The following MYO16 variants were observed in gnomAD, a reference collection of about 807,000 sequenced individuals.
The protein encoded by MYO16 is unconventional myosin-XVI.
MYO16 carries 94 observed loss-of-function variants against 205.3 expected under a neutral mutation model. The ratio of observed to expected loss-of-function variants is 0.46; its 90% CI spans 0.39 to 0.54. MYO16 has a LOEUF of 0.54. MYO16 is among the 20% of genes least tolerant of loss of function. The pLI, the probability that MYO16 is intolerant of heterozygous loss-of-function variation, is 0.00. For missense variants in MYO16, 2,315 were observed against 2,387.5 expected, an observed-to-expected ratio of 0.97 and a Z score of 0.63; for synonymous variants, 988 against 954.0, an observed-to-expected ratio of 1.04 and a Z score of -0.66.
chr13:108,667,330 T>A (rs548608274), intron 2 of MYO16, among the ~76,000 whole-genome samples: 2 of 151,202 alleles, frequency 1.3e-5, no homozygotes, highest in Non-Finnish European at 3.0e-5. Flanking sequence ...GTTTTTTTTT[T>A]TTTTTTGTCT....
intron 31 of MYO16, among the ~76,000 whole-genome samples, chr13:109,132,184 G>A (rs1443534547): frequency 1.3e-5 from 2 of 152,180 alleles, no homozygotes; most frequent in South Asian, 2.1e-4. Context: ...TTGGAGTGAC[G>A]GTTGCTCAAG....
intron 28 of MYO16, among the ~76,000 whole-genome samples, chr13:109,118,517 A>T (rs1875833953): frequency 6.6e-6 from 1 of 152,170 alleles, no homozygotes; most frequent in African/African-American, 2.4e-5. Context: ...TAATTCCCCT[A>T]ATGATCATTA....
rs191971963 is a variant in MYO16 at position 109,141,212 on chromosome 13, C to T, written c.5000C>T (p.Ala1667Val). 1.0e-5 allele frequency: 16 copies of T among 1,607,178 alleles called. No homozygotes were observed. In the Admixed American group the frequency reaches 2.7e-4, roughly 27 times the overall value. Reference sequence around the variant, plus strand: ...TATTCCCCCGTGAAGGCCACCAGGGCGGACGCCAGGAAGGCCGGCTCCAGT... The same window carrying T: ...TATTCCCCCGTGAAGGCCACCAGGGTGGACGCCAGGAAGGCCGGCTCCAGT... Reference protein sequence around the residue: ...IPYSPVKATRADARKAGSSAS... With the variant: ...IPYSPVKATRVDARKAGSSAS... Residue 1667 changes from alanine to valine, a missense_variant, in exon 32 of 35, where the codon GCG becomes GTG. By Grantham distance (64) the Ala-to-Val change is moderately conservative (BLOSUM62 0). Transcript: ENST00000457511. This position sits in a 1 kb window ranked among gnomAD's most constrained non-coding sequence, Gnocchi z 4.1.
At chr13:108,705,772 A>C (rs9520969) in intron 2 of MYO16, among the ~76,000 whole-genome samples, 115,249 of 151,926 alleles carry the variant, frequency 0.76, 43,950 homozygotes, top group East Asian at 0.98. Context: ...AGTTAGATAA[A>C]CCACATGAAA....
At chr13:108,922,929 A>C (rs78493779) in intron 16 of MYO16, among the ~76,000 whole-genome samples, 3,906 of 152,288 alleles carry the variant, frequency 0.026, 233 homozygotes, top group East Asian at 0.17. Flanking sequence ...TCCACAGCCC[A>C]GTCTAGAAGC....
chr13:108,567,896 A>C, the MYO16 span, among the ~76,000 whole-genome samples: 1 of 151,964 alleles, frequency 6.6e-6, no homozygotes, highest in East Asian at 1.9e-4. Context: ...CCATGAATAC[A>C]TTTTTCGGTC....
At chr13:108,655,006 T>C (rs1007165266) in intron 1 of MYO16, among the ~76,000 whole-genome samples, 7 of 152,132 alleles carry the variant, frequency 4.6e-5, no homozygotes, top group Non-Finnish European at 1.0e-4. Flanking sequence ...GTTCAGAAAA[T>C]GTGCAGCCTG....
intron 15 of MYO16, among the ~76,000 whole-genome samples, chr13:108,905,682 T>G (rs1373924792): frequency 6.6e-6 from 1 of 152,194 alleles, no homozygotes; most frequent in Non-Finnish European, 1.5e-5. Context: ...AATACAGTAT[T>G]TTATGGTCTC....
intron 32 of MYO16, among the ~76,000 whole-genome samples, chr13:109,154,748 A>C (rs914724435): frequency 6.6e-6 from 1 of 151,924 alleles, no homozygotes; most frequent in African/African-American, 2.4e-5. Context: ...TTGGCCACAC[A>C]TCGTGGCTCA....
chr13:109,196,289 C>T (rs1365343994), intron 34 of MYO16, among the ~76,000 whole-genome samples: 1 of 152,102 alleles, frequency 6.6e-6, no homozygotes, highest in Non-Finnish European at 1.5e-5. Context: ...TTTAAATCCC[C>T]GTACTGAGTT....
the MYO16 span, among the ~76,000 whole-genome samples, chr13:108,521,826 G>T: frequency 8.6e-4 from 131 of 152,270 alleles, no homozygotes; most frequent in Admixed American, 1.6e-3. Context: ...AGAGATTTCA[G>T]AAAAAGTTCC....
chr13:108,798,308 C>G (rs1191143770), intron 6 of MYO16, among the ~76,000 whole-genome samples: 1 of 152,160 alleles, frequency 6.6e-6, no homozygotes, highest in Non-Finnish European at 1.5e-5. Flanking sequence ...TAAATTTTCA[C>G]AGTGTTAAAT....
In MYO16 at chr13:109,141,255, C is replaced by A; in HGVS notation, c.5043C>A (p.Pro1681=). 1.2e-6 allele frequency: 2 copies of A among 1,606,136 alleles called. No homozygotes were observed. The highest frequency in any genetic ancestry group is 2.3e-5 in the East Asian group (1 of 43,762). The change falls in exon 32 of 35, where the codon CCC becomes CCA. Residue 1681 remains proline, a synonymous_variant. Transcript: ENST00000457511. This position sits in a 1 kb window ranked among gnomAD's most constrained non-coding sequence, Gnocchi z 4.1. ...GCTCCAGTGCCTCGCCCCCCGCGCC[C>A]TACAGCCCTCCCAGCTCCAGGCCTC... ...KAGSSASPPA[P]YSPPSSRPLS... is the part of the protein sequence containing the mutation.
At chr13:108,872,294 G>A (rs1879108138) in intron 12 of MYO16, among the ~76,000 whole-genome samples, 1 of 152,098 alleles carries the variant, frequency 6.6e-6, no homozygotes, top group South Asian at 2.1e-4. Flanking sequence ...GGATCTAGAG[G>A]TAAAGTTTTG....
At chr13:108,947,137 A>G (rs1882968705) in intron 16 of MYO16, among the ~76,000 whole-genome samples, 1 of 152,196 alleles carries the variant, frequency 6.6e-6, no homozygotes, top group Non-Finnish European at 1.5e-5. Flanking sequence ...CAAATAAACT[A>G]TAATATTTGC....
chr13:109,030,319 A>G (rs1190344469), intron 23 of MYO16, among the ~76,000 whole-genome samples: 2 of 152,200 alleles, frequency 1.3e-5, no homozygotes, highest in African/African-American at 4.8e-5. Flanking sequence ...GAAAGCTGAA[A>G]CCAGGCAGGG....
intron 4 of MYO16, among the ~76,000 whole-genome samples, chr13:108,761,798 T>C (rs974849874): frequency 3.9e-5 from 6 of 152,178 alleles, no homozygotes; most frequent in Admixed American, 2.0e-4. Flanking sequence ...CTTTTGCTGG[T>C]TGATACTGAT....
chr13:108,522,913 A>G, the MYO16 span, among the ~76,000 whole-genome samples: 1 of 152,182 alleles, frequency 6.6e-6, no homozygotes, highest in African/African-American at 2.4e-5. Flanking sequence ...AAATAGGGTC[A>G]TATTCTGAGG....
chr13:109,141,017 C>T lies in MYO16; in HGVS notation c.4805C>T (p.Pro1602Leu). Residue 1602 changes from proline (P) to leucine (L), a missense_variant, in exon 32 of 35, where the codon CCC becomes CTC. This residue lies in a region of MYO16 where 1,097 missense variants were observed against 1,092.0 expected (regional missense o/e 1.00). Coordinates refer to ENST00000457511, the MANE Select transcript of MYO16 (RefSeq NM_001198950.3). This position sits in a 1 kb window ranked among gnomAD's most constrained non-coding sequence, Gnocchi z 4.1. Reference sequence around the variant, plus strand: ...ACGCCGCCCCCGCCCCCGCCCCCGCCCGGGCCGCCCCCCGCGCCCTACAGG... The same window carrying T: ...ACGCCGCCCCCGCCCCCGCCCCCGCTCGGGCCGCCCCCCGCGCCCTACAGG... ...PSTPPPPPPPPGPPPAPYRPC... is the reference protein window; with the variant it reads ...PSTPPPPPPPLGPPPAPYRPC... 2.3e-6 allele frequency: 3 copies of T among 1,324,810 alleles called. No individual in the cohort carries two copies. In the African/African-American group the frequency reaches 4.6e-5, roughly 20 times the overall value. The allele number at this position is 1,324,810 out of a possible 1,614,324, so 82.1% of individuals were successfully genotyped here.
Sources: gnomAD v4.1 joint callset for allele counts (sites outside exome capture counted in the v4.1 genomes callset) on GRCh38, gnomAD v4.1.1 for gene constraint, gnomAD v4.1.1 regional missense constraint, Gnocchi (gnomAD v3.1) non-coding constraint, MANE v1.5 for transcripts, NCBI Gene and HGNC (gene_info 2026-07-23, HGNC 2026-07-21) for gene names.